The following GPATCH1 variants were observed in gnomAD, a reference collection of about 807,000 sequenced individuals.
GPATCH1 encodes G-patch domain containing 1.
GPATCH1 carries 73 observed loss-of-function variants against 114.9 expected under a neutral mutation model. The ratio of observed to expected loss-of-function variants is 0.64; its 90% confidence interval spans 0.53 to 0.77. The LOEUF (loss-of-function observed/expected upper bound fraction) is 0.77. GPATCH1 is among the 30% of genes least tolerant of loss of function. The pLI is 0.00. For synonymous variants in GPATCH1, 391 were observed against 428.4 expected (o/e 0.91, Z 1.08); for missense variants, 1,058 against 1,144.3 (o/e 0.92, Z 1.09).
At chr19:33,106,930 T>G in intron 10 of GPATCH1, 31 bp downstream of exon 10, 1 of 1,528,368 alleles carries the variant, frequency 6.5e-7, no homozygotes, top group South Asian at 1.1e-5. Context: ...GGAAATCATT[T>G]CACATAATTC....
At chr19:33,118,973 G>T (rs1300017400) in intron 16 of GPATCH1, 37 bp from the exon 17 acceptor site, 1 of 1,245,158 alleles carries the variant, frequency 8.0e-7, no homozygotes, top group African/African-American at 1.5e-5. Context: ...ATTAACATGG[G>T]GCAGACGAAT....
chr19:33,099,274 AATG>A (rs1218919383), intron 8 of GPATCH1, among the ~76,000 whole-genome samples: 1 of 151,622 alleles, frequency 6.6e-6, no homozygotes, highest in Non-Finnish European at 1.5e-5. Flanking sequence ...TGTTAATATA[AATG>A]ATATTTAATA....
At chr19:33,109,076 G>T (rs1325520010) in intron 10 of GPATCH1, among the ~76,000 whole-genome samples, 1 of 152,100 alleles carries the variant, frequency 6.6e-6, no homozygotes, top group Non-Finnish European at 1.5e-5. Context: ...AAGTAGTCGG[G>T]CATGGTGGTG....
At chr19:33,095,056 A>C (rs969040815) in intron 5 of GPATCH1, among the ~76,000 whole-genome samples, 2 of 152,040 alleles carry the variant, frequency 1.3e-5, no homozygotes, top group East Asian at 3.9e-4. Context: ...CCCAGCTACG[A>C]CTCAGGAGAG....
intron 9 of GPATCH1, among the ~76,000 whole-genome samples, chr19:33,103,246 A>G (rs1040663833): frequency 7.9e-5 from 12 of 152,186 alleles, no homozygotes. Context: ...GGGACACGGG[A>G]GGCCAGGGGA....
rs374963833 is a variant in GPATCH1, at chr19:33,117,870, C to T, written c.2242C>T (p.Arg748Cys). 44 of 1,613,728 alleles carry T rather than the reference C, an allele frequency of 2.7e-5. No homozygotes were observed. The highest frequency in any genetic ancestry group is 2.0e-4 in the African/African-American group (15 of 74,888). ...CGCACAGGCTGAAGGAGAAGGGAGCCGCCCATCCATGGACTTATTCAGGGC... is the reference window on the plus strand; with the variant it reads ...CGCACAGGCTGAAGGAGAAGGGAGCTGCCCATCCATGGACTTATTCAGGGC... ...VDAQAEGEGS[R>C]PSMDLFRAIF... is the part of the protein sequence containing the mutation. Residue 748 changes from arginine to cysteine, a missense_variant, in exon 16 of 20, where the codon CGC becomes TGC. Physicochemically the swap from Arg to Cys is radical, Grantham distance 180 (BLOSUM62 -3). Around this residue, in one of 3 missense-constraint regions of GPATCH1, gnomAD observed 893 missense variants for 977.4 expected, o/e 0.91. Coordinates refer to ENST00000170564, the MANE Select transcript of GPATCH1 (RefSeq NM_018025.3).
chr19:33,128,122 CTG>C (rs1238878151), intron 19 of GPATCH1, among the ~76,000 whole-genome samples: 3 of 152,100 alleles, frequency 2.0e-5, no homozygotes, highest in African/African-American at 7.2e-5. Flanking sequence ...GAGTCTCGCT[CTG>C]TGACCCAGGC....
intron 4 of GPATCH1, 122 bp from the exon 5 acceptor site, chr19:33,094,050 G>A (rs981876183): frequency 1.2e-5 from 8 of 646,738 alleles, no homozygotes; most frequent in South Asian, 3.5e-5. Flanking sequence ...TGTAATGTGG[G>A]TGAGGGCAAG....
intron 10 of GPATCH1, among the ~76,000 whole-genome samples, chr19:33,107,953 A>C (rs1436502611): frequency 6.6e-6 from 1 of 151,572 alleles, no homozygotes; most frequent in Non-Finnish European, 1.5e-5. Flanking sequence ...TGCACCTATT[A>C]ACTCGTCATT....
intron 10 of GPATCH1, among the ~76,000 whole-genome samples, 157 bp downstream of exon 10, chr19:33,107,056 T>C (rs1013385353): frequency 7.2e-5 from 11 of 152,252 alleles, no homozygotes; most frequent in African/African-American, 2.7e-4. Context: ...TACATAATAG[T>C]GTGCATATCT....
At chr19:33,102,688 C>T (rs1370633747) in intron 9 of GPATCH1, among the ~76,000 whole-genome samples, 1 of 152,112 alleles carries the variant, frequency 6.6e-6, no homozygotes. Flanking sequence ...AGCCACCGCG[C>T]CCGGCCGCTA....
At chr19:33,092,124 G>A (rs12608763) in intron 3 of GPATCH1, among the ~76,000 whole-genome samples, 62,825 of 151,138 alleles carry the variant, frequency 0.42, 16,469 homozygotes, top group African/African-American at 0.73. Flanking sequence ...TCGGCTCACT[G>A]CAACCTCTGC....
At chr19:33,095,229 C>T (rs1362692264) in intron 5 of GPATCH1, among the ~76,000 whole-genome samples, 1 of 151,344 alleles carries the variant, frequency 6.6e-6, no homozygotes, top group East Asian at 1.9e-4. Flanking sequence ...TAAATGTACC[C>T]ATGTACCTCT....
In GPATCH1 at chr19:33,130,101, A is replaced by C. The variant is rs751839334; in HGVS notation, c.2766-29A>C. The C allele has an allele frequency of 3.1e-6, 5 of 1,599,750 alleles. No homozygotes were observed. The South Asian group carries it at 5.5e-5, about 18-fold the overall frequency. Reference sequence around the variant, plus strand: ...GGTTTTTCACTTTAGCTAACTTTCCATTTCTCTCTTTTCTGTTTTCTTTTC... The same window carrying C: ...GGTTTTTCACTTTAGCTAACTTTCCCTTTCTCTCTTTTCTGTTTTCTTTTC... On this transcript the variant is annotated intron_variant, in intron 19 of 19. Transcript: ENST00000170564.
intron 9 of GPATCH1, among the ~76,000 whole-genome samples, chr19:33,104,133 C>T (rs2145319443): frequency 6.6e-6 from 1 of 150,954 alleles, no homozygotes; most frequent in Admixed American, 6.6e-5. Flanking sequence ...AGTTTGAGAC[C>T]AGCCTGGGCA....
rs868733999 is a variant in GPATCH1 at position 33,081,955 on chromosome 19, G to C, written c.73+689G>C. On this transcript the variant is annotated intron_variant, in intron 1 of 19. Coordinates refer to ENST00000170564, the MANE Select transcript of GPATCH1 (RefSeq NM_018025.3). ...ACTCCTGACTTCAAGTGATCCTCTC[G>C]CTTCTGCCTCCCAAAGTGCAGGGAT... 1.4e-5 allele frequency among the ~76,000 whole-genome samples: 2 copies of C among 147,444 alleles called. 1 individual carries two copies. Among genetic ancestry groups the C allele is most frequent in the African/African-American group, 5.0e-5 (2 of 40,054 alleles).
intron 1 of GPATCH1, among the ~76,000 whole-genome samples, chr19:33,087,878 T>G (rs1453083916): frequency 2.6e-5 from 4 of 151,890 alleles, no homozygotes; most frequent in African/African-American, 9.7e-5. Flanking sequence ...AGAGCCGGGA[T>G]TTTGCCATGT....
At chr19:33,111,476 C>T (rs1001695295) in intron 11 of GPATCH1, among the ~76,000 whole-genome samples, 6 of 151,798 alleles carry the variant, frequency 4.0e-5, no homozygotes, top group African/African-American at 7.3e-5. Flanking sequence ...CCACCCGCCT[C>T]GGCCTCCCAA....
rs1211770704 is a variant in GPATCH1 at position 33,109,147 on chromosome 19, G to A, written c.1286-570G>A. Among the ~76,000 whole-genome samples the A allele has an allele frequency of 4.6e-5, 7 of 152,234 alleles. No homozygotes were observed. The East Asian group carries it at 9.6e-4, about 21-fold the overall frequency. On this transcript the variant is annotated intron_variant, in intron 10 of 19. Coordinates refer to ENST00000170564, the MANE Select transcript of GPATCH1 (RefSeq NM_018025.3). ...TGGGAGGATCACTTGAGCCTGAGAGGTGGAGGTTGCAGTGAGCCATGATCA... is the reference window on the plus strand; with the variant it reads ...TGGGAGGATCACTTGAGCCTGAGAGATGGAGGTTGCAGTGAGCCATGATCA...
Sources: gnomAD v4.1 joint callset for allele counts (sites outside exome capture counted in the v4.1 genomes callset) on GRCh38, gnomAD v4.1.1 for gene constraint, gnomAD v4.1.1 regional missense constraint, MANE v1.5 for transcripts, NCBI Gene and HGNC (gene_info 2026-07-23, HGNC 2026-07-21) for gene names.